The following PCDH11Y variants were observed in gnomAD, a reference collection of about 807,000 sequenced individuals.
PCDH11Y encodes protocadherin-11 Y-linked.
For synonymous variants in PCDH11Y, 9 were observed against 83.6 expected, an observed-to-expected ratio of 0.11 and a Z score of 4.87; for missense variants, 12 against 224.8, an observed-to-expected ratio of 0.05 and a Z score of 6.05.
chrY:5,461,219 T>C, intron 2 of PCDH11Y, among the ~76,000 whole-genome samples: 1 of 33,585 alleles, frequency 3.0e-5, no homozygotes, highest in Non-Finnish European at 7.4e-5. Flanking sequence ...ACCTTAAGTA[T>C]GTATTGAGTT....
intron 2 of PCDH11Y, among the ~76,000 whole-genome samples, chrY:5,300,126 CAAA>C (rs2053080178): frequency 3.0e-5 from 1 of 33,389 alleles, no homozygotes; most frequent in Non-Finnish European, 7.4e-5. Context: ...TGAATTGAAA[CAAA>C]GAAGCAAAAT....
intron 3 of PCDH11Y, among the ~76,000 whole-genome samples, chrY:5,534,900 T>C (rs2053398475): frequency 5.9e-5 from 2 of 33,958 alleles, no homozygotes; most frequent in Non-Finnish European, 1.5e-4. Flanking sequence ...TGATCAGTGA[T>C]GCTGAGCATT....
At chrY:5,242,752 C>G (rs1450539373) in intron 2 of PCDH11Y, among the ~76,000 whole-genome samples, 6 of 32,395 alleles carry the variant, frequency 1.9e-4, no homozygotes, top group Non-Finnish European at 4.5e-4. Flanking sequence ...TTGGCTGAGT[C>G]TCAATCACAA....
chrY:5,727,026 T>C, intron 4 of PCDH11Y, among the ~76,000 whole-genome samples: 1 of 33,419 alleles, frequency 3.0e-5, no homozygotes, highest in East Asian at 7.8e-4. Flanking sequence ...GAAAGATAAA[T>C]GGTTATCTAA....
At chrY:5,222,245 A>G (rs2052955142) in intron 2 of PCDH11Y, among the ~76,000 whole-genome samples, 1 of 32,958 alleles carries the variant, frequency 3.0e-5, no homozygotes, top group Non-Finnish European at 7.5e-5. Context: ...AATTTTTTTT[A>G]TAATGTCCTT....
intron 2 of PCDH11Y, among the ~76,000 whole-genome samples, chrY:5,203,719 A>C (rs2124650154): frequency 7.1e-5 from 2 of 28,117 alleles, no homozygotes; most frequent in Admixed American, 6.9e-4. Flanking sequence ...AACCATAATA[A>C]AATTCAGTAG....
chrY:5,440,351 T>C, intron 2 of PCDH11Y, among the ~76,000 whole-genome samples: 1 of 31,038 alleles, frequency 3.2e-5, no homozygotes, highest in African/African-American at 1.3e-4. Flanking sequence ...CCATGTGGAG[T>C]AGTTTGGGCT....
At chrY:5,190,607 T>C (rs2052911243) in intron 2 of PCDH11Y, among the ~76,000 whole-genome samples, 1 of 33,105 alleles carries the variant, frequency 3.0e-5, no homozygotes. Context: ...AAGGCTTTAA[T>C]TGGGTGCTGC....
chrY:5,598,577 T>C, intron 4 of PCDH11Y, among the ~76,000 whole-genome samples: 1 of 33,218 alleles, frequency 3.0e-5, no homozygotes, highest in East Asian at 7.9e-4. Context: ...GCAATCTATC[T>C]GAGTCGATGT....
intron 2 of PCDH11Y, among the ~76,000 whole-genome samples, chrY:5,384,033 A>G: frequency 5.9e-5 from 2 of 33,861 alleles, no homozygotes; most frequent in African/African-American, 2.3e-4. Context: ...AAATATCTTA[A>G]TATCTCATGG....
chrY:5,418,587 G>A, intron 2 of PCDH11Y, among the ~76,000 whole-genome samples: 5 of 32,719 alleles, frequency 1.5e-4, no homozygotes, highest in South Asian at 1.4e-3. Context: ...TCTTGCCATC[G>A]TTGAAGACCT....
chrY:5,489,103 C>T (rs2053335998), intron 2 of PCDH11Y, among the ~76,000 whole-genome samples: 1 of 32,502 alleles, frequency 3.1e-5, no homozygotes. Context: ...TTCCTTTATT[C>T]ACACAAGCAT....
In PCDH11Y at chrY:5,362,598, G is replaced by A. The variant is rs200435834; in HGVS notation, c.3130-138459G>A. 1.3e-3 allele frequency among the ~76,000 whole-genome samples: 24 copies of A among 19,027 alleles called. No individual in the cohort carries two copies. The East Asian group carries it at 0.03, about 24-fold the overall frequency. 51.0% of individuals were successfully genotyped at this position (19,027 alleles called of 37,273 possible). On this transcript the variant is annotated intron_variant, in intron 2 of 4. Transcript: ENST00000400457. ...TCCGTCCCCCCTCCTCTCCACCCCC[G>A]ACAGACCCTAGTGTGTATTGTTCCC...
intron 2 of PCDH11Y, chrY:5,337,708 T>C (rs2053139897): frequency 3.0e-6 from 1 of 335,971 alleles, no homozygotes; most frequent in African/African-American, 7.4e-5. Context: ...ACCCCCGAGA[T>C]TGAGCCCTGG....
At chrY:5,485,002 A>G in intron 2 of PCDH11Y, among the ~76,000 whole-genome samples, 1 of 33,414 alleles carries the variant, frequency 3.0e-5, no homozygotes, top group African/African-American at 1.2e-4. Context: ...CTGTTAAGAA[A>G]CAGAATGAAG....
chrY:5,637,001 G>GC (rs2053518365), intron 4 of PCDH11Y, among the ~76,000 whole-genome samples: 1 of 32,851 alleles, frequency 3.0e-5, no homozygotes, highest in Non-Finnish European at 7.5e-5. Context: ...TACCTCTTGA[G>GC]CAATGCTACC....
At chrY:5,604,140 A>G (rs2053476934) in intron 4 of PCDH11Y, among the ~76,000 whole-genome samples, 1 of 32,480 alleles carries the variant, frequency 3.1e-5, no homozygotes, top group South Asian at 6.9e-4. Context: ...TCAACTAGAA[A>G]AAACAAGGCA....
intron 4 of PCDH11Y, among the ~76,000 whole-genome samples, chrY:5,674,476 T>C (rs2053551988): frequency 3.0e-5 from 1 of 33,464 alleles, no homozygotes; most frequent in Non-Finnish European, 7.4e-5. Flanking sequence ...TTAATTCAAG[T>C]GCATAGTCTA....
intron 2 of PCDH11Y, among the ~76,000 whole-genome samples, chrY:5,313,361 T>C: frequency 3.0e-5 from 1 of 33,611 alleles, no homozygotes; most frequent in Non-Finnish European, 7.4e-5. Context: ...TTTTAGGTCA[T>C]TTTATTTCTC....
Sources: gnomAD v4.1 joint callset for allele counts (sites outside exome capture counted in the v4.1 genomes callset) on GRCh38, gnomAD v4.1.1 for gene constraint, MANE v1.5 for transcripts, NCBI Gene and HGNC (gene_info 2026-07-23, HGNC 2026-07-21) for gene names.